Variants in ARMC8 observed in about 807,000 individuals in gnomAD.
ARMC8 encodes the protein armadillo repeat containing 8.
ARMC8 carries 20 observed loss-of-function variants against 99.3 expected under a neutral mutation model. That is an observed-to-expected ratio of 0.20 (90% confidence interval 0.14 to 0.29). The LOEUF is 0.29. Among genes scored for constraint, ARMC8 ranks in the 10% least tolerant of loss-of-function variants. ARMC8 has a pLI of 1.00. For missense variants in ARMC8, 569 were observed against 809.5 expected, an observed-to-expected ratio of 0.70 and a Z score of 3.60; for synonymous variants, 263 against 278.3, an observed-to-expected ratio of 0.95 and a Z score of 0.55.
chr3:138,271,798 C>CT (rs776320900), intron 16 of ARMC8, among the ~76,000 whole-genome samples: 3,444 of 136,094 alleles, frequency 0.025, 182 homozygotes, highest in African/African-American at 0.085. Flanking sequence ...TTTTTTCTTT[C>CT]TTTTTTTTTT....
rs1174808298 is a variant in ARMC8 at position 138,264,154 on chromosome 3, C to T, written c.1241C>T (p.Ser414Phe). The T allele has an allele frequency of 6.2e-7, 1 of 1,613,864 alleles. No homozygotes were observed. The change falls in exon 14 of 22, where the codon TCT becomes TTT. Residue 414 changes from serine (S) to phenylalanine (F), a missense_variant. Physicochemically the swap from Ser to Phe is radical, Grantham distance 155. Transcript: ENST00000469044. ...AGATGTTTGCACAGTTTATCCAGAT[C>T]TGTGCAGCAGCTTCGAACCAGTTTC... ...AVRCLHSLSR[S>F]VQQLRTSFQD... is the part of the protein sequence containing the mutation.
intron 1 of ARMC8, among the ~76,000 whole-genome samples, chr3:138,198,581 C>T (rs1365023697): frequency 4.0e-5 from 6 of 151,854 alleles, no homozygotes; most frequent in Non-Finnish European, 7.4e-5. Flanking sequence ...GGCACCGTCT[C>T]GGCTCACTGC....
chr3:138,285,703 G>A (rs1050346280), intron 19 of ARMC8, among the ~76,000 whole-genome samples: 1 of 152,124 alleles, frequency 6.6e-6, no homozygotes, highest in Admixed American at 6.6e-5. Flanking sequence ...TTACCACAGC[G>A]TAAGTTCCAT....
rs1283576344 is a variant in ARMC8 at position 138,187,307 on chromosome 3, A to G, written c.-248A>G. 2 of 436,432 alleles carry G rather than the reference A, an allele frequency of 4.6e-6. No individual in the cohort carries two copies. The highest frequency in any genetic ancestry group is 7.0e-5 in the East Asian group (2 of 28,410). 27.0% of individuals were successfully genotyped at this position (436,432 alleles called of 1,614,324 possible). A position where few individuals can be genotyped will look rare whatever the true frequency, so the allele number is the denominator to read the frequency against. ...CATGCGGAAACCGCTGCCCGCTTCCACCTCTAACCCAGGCTCAGAGTAGCT... is the reference window on the plus strand; with the variant it reads ...CATGCGGAAACCGCTGCCCGCTTCCGCCTCTAACCCAGGCTCAGAGTAGCT... On this transcript the variant is annotated 5_prime_UTR_variant, in exon 1 of 22. Coordinates refer to ENST00000469044, the MANE Select transcript of ARMC8 (RefSeq NM_001363941.2).
chr3:138,246,345 T>C, intron 12 of ARMC8: 1 of 985,156 alleles, frequency 1.0e-6, no homozygotes, highest in Non-Finnish European at 1.2e-6. Flanking sequence ...ATGAAAATCA[T>C]TTTTGGTACA....
intron 2 of ARMC8, among the ~76,000 whole-genome samples, chr3:138,219,269 T>G (rs1344530762): frequency 6.6e-6 from 1 of 152,188 alleles, no homozygotes. Flanking sequence ...TGAGTTTGCA[T>G]TTTACAAAAA....
At chr3:138,255,202 T>G (rs112647832) in intron 12 of ARMC8, among the ~76,000 whole-genome samples, 11,708 of 147,914 alleles carry the variant, frequency 0.079, 811 homozygotes, top group African/African-American at 0.18. Flanking sequence ...TTTTTTTTTT[T>G]TTTGTTTTTT....
chr3:138,250,700 T>G (rs2047082909), intron 12 of ARMC8, among the ~76,000 whole-genome samples: 2 of 152,238 alleles, frequency 1.3e-5, no homozygotes, highest in South Asian at 4.1e-4. Flanking sequence ...TGGATGTCAT[T>G]TCTTCAGAGT....
intron 19 of ARMC8, 122 bp from the exon 20 acceptor site, chr3:138,288,926 C>T: frequency 2.7e-6 from 2 of 729,106 alleles, no homozygotes; most frequent in Admixed American, 2.5e-5. Flanking sequence ...CATGAGCCAC[C>T]TCACCTGGCC....
intron 11 of ARMC8, among the ~76,000 whole-genome samples, chr3:138,243,669 T>C (rs1334795861): frequency 6.6e-6 from 1 of 152,192 alleles, no homozygotes; most frequent in Non-Finnish European, 1.5e-5. Flanking sequence ...TATTGTCTTT[T>C]GCTTTCTGTG....
At chr3:138,187,668 A>C in intron 1 of ARMC8, 69 bp downstream of exon 1, 5 of 1,488,994 alleles carry the variant, frequency 3.4e-6, no homozygotes, top group South Asian at 1.2e-5. Flanking sequence ...CCATTCCCCC[A>C]AGCGTGGTGT....
intron 1 of ARMC8, chr3:138,188,113 G>C (rs918044581): frequency 4.3e-6 from 1 of 231,806 alleles, no homozygotes; most frequent in African/African-American, 2.3e-5. Flanking sequence ...CCCAGCACCT[G>C]GGCACCGGCT....
At chr3:138,271,749 GCAA>G (rs1488831262) in intron 16 of ARMC8, among the ~76,000 whole-genome samples, 1 of 151,180 alleles carries the variant, frequency 6.6e-6, no homozygotes, top group African/African-American at 2.4e-5. Flanking sequence ...TTCCTGGAGG[GCAA>G]CAACCACATA....
chr3:138,262,595 A>AT (rs779543126), intron 12 of ARMC8: 2 of 1,561,022 alleles, frequency 1.3e-6, no homozygotes, highest in Non-Finnish European at 1.7e-6. Context: ...ACCTGAGGAG[A>AT]TTAAAAAAAA....
intron 18 of ARMC8, among the ~76,000 whole-genome samples, chr3:138,283,258 A>G (rs1264976202): frequency 2.0e-5 from 3 of 152,244 alleles, no homozygotes; most frequent in Non-Finnish European, 4.4e-5. Flanking sequence ...GGGCCACTGC[A>G]AGAAAACAAT....
intron 5 of ARMC8, among the ~76,000 whole-genome samples, chr3:138,227,302 T>G (rs1041088983): frequency 6.6e-6 from 1 of 152,126 alleles, no homozygotes; most frequent in Non-Finnish European, 1.5e-5. Flanking sequence ...TGTGAGAACA[T>G]AGAGAAAAGG....
At chr3:138,295,310 A>G (rs1425420119) in intron 21 of ARMC8, among the ~76,000 whole-genome samples, 1 of 152,202 alleles carries the variant, frequency 6.6e-6, no homozygotes, top group African/African-American at 2.4e-5. Context: ...GAAGAACAAG[A>G]TGAAATTGTA....
chr3:138,245,272 C>A, intron 12 of ARMC8, 89 bp downstream of exon 12: 1 of 1,613,592 alleles, frequency 6.2e-7, no homozygotes, highest in South Asian at 1.1e-5. Flanking sequence ...AGAGCACTAA[C>A]AGTGACTGTT....
At chr3:138,193,721 C>A (rs2043527677) in intron 1 of ARMC8, among the ~76,000 whole-genome samples, 2 of 152,152 alleles carry the variant, frequency 1.3e-5, no homozygotes, top group Admixed American at 1.3e-4. Context: ...CAAAATGGAT[C>A]ATAGATTTTA....
Sources: gnomAD v4.1 joint callset for allele counts (sites outside exome capture counted in the v4.1 genomes callset) on GRCh38, gnomAD v4.1.1 for gene constraint, MANE v1.5 for transcripts, NCBI Gene and HGNC (gene_info 2026-07-23, HGNC 2026-07-21) for gene names.